The following GOLGA3 variants were observed in gnomAD, a reference collection of about 807,000 sequenced individuals.
The protein encoded by GOLGA3 is golgin subfamily A member 3.
In GOLGA3, 75 loss-of-function variants were observed where a neutral mutation model predicts 169.4. The ratio of observed to expected loss-of-function variants is 0.44; its 90% CI spans 0.37 to 0.54. GOLGA3 has a LOEUF of 0.54. GOLGA3 is among the 20% of genes least tolerant of loss of function. The pLI is 0.00. For missense variants in GOLGA3, 1,899 were observed against 1,930.0 expected (o/e 0.98, Z 0.30); for synonymous variants, 824 against 822.4 (o/e 1.00, Z -0.03).
At chr12:132,801,211 GGAAA>G (rs1218636122) in intron 8 of GOLGA3, among the ~76,000 whole-genome samples, 1 of 152,244 alleles carries the variant, frequency 6.6e-6, no homozygotes, top group Admixed American at 6.5e-5. Flanking sequence ...GGACGGGAGA[GGAAA>G]GAGTTTTCCA....
chr12:132,778,884 A>C (rs1361991565), intron 18 of GOLGA3, among the ~76,000 whole-genome samples: 3 of 145,484 alleles, frequency 2.1e-5, no homozygotes, highest in Non-Finnish European at 3.0e-5. Context: ...ACAAAGTGAG[A>C]CTCCGTCTGA....
chr12:132,813,869 C>T (rs1002056853), intron 3 of GOLGA3, among the ~76,000 whole-genome samples: 8 of 151,878 alleles, frequency 5.3e-5, no homozygotes, highest in Admixed American at 5.3e-4. Flanking sequence ...GGAATACAGG[C>T]GCCCGCCACC....
chr12:132,802,259 ACCGAT>A (rs1949162468), intron 7 of GOLGA3, among the ~76,000 whole-genome samples: 1 of 152,210 alleles, frequency 6.6e-6, no homozygotes, highest in Non-Finnish European at 1.5e-5. Flanking sequence ...CATTTACGAC[ACCGAT>A]CTAATACATA....
At chr12:132,784,615 C>T (rs2045793274) in intron 15 of GOLGA3, among the ~76,000 whole-genome samples, 1 of 152,200 alleles carries the variant, frequency 6.6e-6, no homozygotes, top group African/African-American at 2.4e-5. Context: ...CAAGCAGCAC[C>T]AGTTGTAATA....
intron 6 of GOLGA3, 47 bp downstream of exon 6, chr12:132,807,130 C>A (rs745450720): frequency 2.1e-5 from 24 of 1,168,750 alleles, no homozygotes; most frequent in Non-Finnish European, 2.9e-5. Context: ...GCCACACATG[C>A]TTTCCGACTT....
intron 4 of GOLGA3, among the ~76,000 whole-genome samples, chr12:132,809,430 ACCCCCGCC>A (rs1225961281): frequency 1.3e-5 from 1 of 74,594 alleles, no homozygotes; most frequent in Non-Finnish European, 2.8e-5. Context: ...ACCAACCCCC[ACCCCCGCC>A]CCCCCGCCCC....
At position 132,777,073 on chromosome 12, in the gene GOLGA3, T is replaced by C. The variant is rs1032194175; in HGVS notation, c.3740A>G (p.His1247Arg). Residue 1247 changes from histidine (H) to arginine (R), a missense_variant, in exon 20 of 24, where the codon CAT (histidine) becomes CGT (arginine). By Grantham distance (29) the His-to-Arg change is conservative. Coordinates refer to ENST00000450791, the MANE Select transcript of GOLGA3 (RefSeq NM_001389683.1). This position sits in a 1 kb window ranked among gnomAD's most constrained non-coding sequence, Gnocchi z 4.7. ...TTGGAACTGTGCTATCTCCTGGGAA[T>C]GTTTCCCCTCCCGAATCCTAGCGTA... Reference protein sequence around the residue: ...ADDLQIREGKHSQEIAQFQAE... With the variant: ...ADDLQIREGKRSQEIAQFQAE... 6.3e-6 allele frequency: 10 copies of C among 1,597,474 alleles called. No individual in the cohort carries two copies. The highest frequency in any genetic ancestry group is 8.5e-6 in the Non-Finnish European group (10 of 1,173,702).
intron 22 of GOLGA3, 21 bp from the exon 23 acceptor site, chr12:132,774,341 T>G: frequency 6.2e-7 from 1 of 1,609,014 alleles, no homozygotes; most frequent in South Asian, 1.1e-5. Context: ...AAGCACATGA[T>G]CAGCTTTCCC....
intron 3 of GOLGA3, among the ~76,000 whole-genome samples, chr12:132,814,196 G>T (rs918808185): frequency 1.3e-5 from 2 of 151,502 alleles, no homozygotes. Flanking sequence ...GACGACTTTG[G>T]TATTTTTAGT....
chr12:132,792,394 G>A lies in GOLGA3; in HGVS notation c.2470-1101C>T, dbSNP rs547453877. Among the ~76,000 whole-genome samples, 28 of 152,366 alleles carry A rather than the reference G, an allele frequency of 1.8e-4. No individual in the cohort carries two copies. In the South Asian group the frequency reaches 2.9e-3, roughly 16 times the overall value. On this transcript the variant is annotated intron_variant, in intron 11 of 23. Transcript: ENST00000450791. The stretch of plus-strand genomic sequence containing the variant: ...CAATGCTCTTGCAGCACAGGCGAGC[G>A]AGCAGGGCTGTTACAGTGACAGTTT...
chr12:132,784,128 C>G, intron 16 of GOLGA3, 36 bp downstream of exon 16: 1 of 1,601,938 alleles, frequency 6.2e-7, no homozygotes, highest in Non-Finnish European at 8.5e-7. Flanking sequence ...CGTGACCTGC[C>G]CCACGCTGCC....
chr12:132,820,193 G>C (rs1319381509), intron 2 of GOLGA3, among the ~76,000 whole-genome samples: 1 of 151,346 alleles, frequency 6.6e-6, no homozygotes, highest in African/African-American at 2.4e-5. Flanking sequence ...AAAAAAATCA[G>C]CTAGGCGTGC....
At chr12:132,787,927 G>T (rs971516050) in intron 13 of GOLGA3, among the ~76,000 whole-genome samples, 19 of 69,380 alleles carry the variant, frequency 2.7e-4, no homozygotes, top group African/African-American at 5.6e-4. Context: ...GACCCCCCCC[G>T]GATGCCCTCC....
At chr12:132,821,355 C>T (rs971875300) in intron 2 of GOLGA3, among the ~76,000 whole-genome samples, 3 of 150,206 alleles carry the variant, frequency 2.0e-5, no homozygotes, top group African/African-American at 7.4e-5. Flanking sequence ...TGCAGTGAAA[C>T]GAGATCTCGC....
rs552813363 is a variant in GOLGA3, at chr12:132,768,955, T to G, written c.*4150A>C. 6.5e-6 allele frequency: 1 copy of G among 152,754 alleles called. No homozygotes were observed. Among genetic ancestry groups the G allele is most frequent in the East Asian group, 1.9e-4 (1 of 5,194 alleles). 9.5% of individuals were successfully genotyped at this position (152,754 alleles called of 1,614,324 possible). A position where few individuals can be genotyped will look rare whatever the true frequency, so the allele number is the denominator to read the frequency against. On this transcript the variant is annotated 3_prime_UTR_variant, in exon 24 of 24. Coordinates refer to ENST00000450791, the MANE Select transcript of GOLGA3 (RefSeq NM_001389683.1). Reference sequence around the variant, plus strand: ...GTTTATTGCACAAAATTTAAGGAATTCCCAAGCACACTTACATTTGTAAAA... The same window carrying G: ...GTTTATTGCACAAAATTTAAGGAATGCCCAAGCACACTTACATTTGTAAAA...
chr12:132,808,543 G>T lies in GOLGA3; in HGVS notation c.526C>A (p.Gln176Lys). 6.3e-7 allele frequency: 1 copy of T among 1,585,148 alleles called. No homozygotes were observed. Among genetic ancestry groups the T allele is most frequent in the South Asian group, 1.1e-5 (1 of 86,982 alleles). The change falls in exon 5 of 24, where the codon CAA (glutamine) becomes AAA (lysine). Residue 176 changes from glutamine to lysine, a missense_variant. By Grantham distance (53) the Gln-to-Lys change is moderately conservative. Coordinates refer to ENST00000450791, the MANE Select transcript of GOLGA3 (RefSeq NM_001389683.1). ...RVKRQQERSS[Q>K]PATKTRLFST... ...AAAAGTCTCGTTTTGGTTGCAGGTT[G>T]ACTGGACTGAGAAGAAAACAAAAGT...
chr12:132,774,339 G>T lies in GOLGA3; in HGVS notation c.4144-19C>A. The T allele has an allele frequency of 6.2e-7, 1 of 1,609,312 alleles. No homozygotes were observed. ...CCTTTCTCTGTTTTTAAAAGCACATGATCAGCTTTCCCACCGTCCCCTCCC... is the reference window on the plus strand; with the variant it reads ...CCTTTCTCTGTTTTTAAAAGCACATTATCAGCTTTCCCACCGTCCCCTCCC... On this transcript the variant is annotated intron_variant, in intron 22 of 23. Coordinates refer to ENST00000450791, the MANE Select transcript of GOLGA3 (RefSeq NM_001389683.1).
rs562387057 is a variant in GOLGA3 at position 132,825,408 on chromosome 12, C to T, written c.-183-3097G>A. Among the ~76,000 whole-genome samples the T allele has an allele frequency of 4.6e-5, 7 of 152,344 alleles. No homozygotes were observed. In the East Asian group the frequency reaches 5.8e-4, roughly 13 times the overall value. Reference sequence around the variant, plus strand: ...TCCTTGAAGACAGAGACTCATTCCCCGTCTGCCTCCCACCACCTTGAACAC... The same window carrying T: ...TCCTTGAAGACAGAGACTCATTCCCTGTCTGCCTCCCACCACCTTGAACAC... On this transcript the variant is annotated intron_variant, in intron 1 of 23. Transcript: ENST00000450791.
intron 3 of GOLGA3, among the ~76,000 whole-genome samples, chr12:132,815,541 AG>A: frequency 6.6e-6 from 1 of 152,388 alleles, no homozygotes; most frequent in South Asian, 2.1e-4. Context: ...TGTGAAATGC[AG>A]TCTGATTTCA....
Sources: allele counts gnomAD v4.1 joint callset (sites outside exome capture counted in the v4.1 genomes callset), GRCh38; gene constraint gnomAD v4.1.1; non-coding constraint Gnocchi (gnomAD v3.1); transcripts MANE v1.5; gene names NCBI Gene and HGNC (gene_info 2026-07-23, HGNC 2026-07-21).